SCFD2: variants seen among roughly 807,000 people sequenced by gnomAD.
SCFD2 encodes sec1 family domain-containing protein 2.
Under a neutral mutation model 58.9 loss-of-function variants are expected in SCFD2, and 54 were observed. The observed-to-expected ratio is 0.92, with a 90% CI of 0.74 to 1.15. SCFD2 has a LOEUF of 1.15. SCFD2 is among the 50% of genes most tolerant of loss of function. The pLI is 0.00. For missense variants in SCFD2, 805 were observed against 836.6 expected (o/e 0.96, Z 0.47); for synonymous variants, 321 against 335.9 (o/e 0.96, Z 0.49).
chr4:52,904,834 T>A (rs1381790528), intron 7 of SCFD2, among the ~76,000 whole-genome samples: 1 of 152,230 alleles, frequency 6.6e-6, no homozygotes, highest in East Asian at 1.9e-4. Context: ...GTGTCACTAT[T>A]TCCTGTGTGC....
chr4:53,019,178 T>G (rs970450741), intron 5 of SCFD2, among the ~76,000 whole-genome samples: 1 of 152,172 alleles, frequency 6.6e-6, no homozygotes, highest in African/African-American at 2.4e-5. Flanking sequence ...CAAAGATTTA[T>G]GCACAAGGAT....
intron 5 of SCFD2, among the ~76,000 whole-genome samples, chr4:52,921,311 A>T (rs1206511756): frequency 1.3e-5 from 2 of 152,234 alleles, no homozygotes; most frequent in African/African-American, 2.4e-5. Context: ...AGAATGAGAA[A>T]GATCCTGTCT....
intron 5 of SCFD2, among the ~76,000 whole-genome samples, chr4:53,076,717 T>G (rs1045426565): frequency 6.6e-6 from 1 of 152,170 alleles, no homozygotes; most frequent in African/African-American, 2.4e-5. Context: ...TTAATGAACC[T>G]TTAAATGGTG....
intron 4 of SCFD2, among the ~76,000 whole-genome samples, chr4:53,247,067 G>C (rs1412818343): frequency 6.9e-6 from 1 of 145,650 alleles, no homozygotes; most frequent in Non-Finnish European, 1.5e-5. Flanking sequence ...CTAAGAATGA[G>C]AATTAAAAAA....
intron 5 of SCFD2, among the ~76,000 whole-genome samples, chr4:52,946,185 C>T (rs1720420595): frequency 6.6e-6 from 1 of 152,032 alleles, no homozygotes; most frequent in Non-Finnish European, 1.5e-5. Context: ...ATTTTTAATA[C>T]CACAGTTAGT....
intron 5 of SCFD2, among the ~76,000 whole-genome samples, chr4:52,932,356 A>C (rs1395901866): frequency 1.3e-5 from 2 of 152,234 alleles, no homozygotes; most frequent in African/African-American, 4.8e-5. Flanking sequence ...AAAGGATGGA[A>C]TCAGAAGACC....
chr4:52,898,191 C>T (rs1480381934), intron 7 of SCFD2, among the ~76,000 whole-genome samples: 1 of 152,148 alleles, frequency 6.6e-6, no homozygotes, highest in Non-Finnish European at 1.5e-5. Context: ...TTGCCTTCTG[C>T]TAGCTTTTGA....
intron 4 of SCFD2, among the ~76,000 whole-genome samples, chr4:53,246,891 A>C (rs1239072306): frequency 6.0e-5 from 9 of 149,068 alleles, no homozygotes; most frequent in African/African-American, 2.2e-4. Context: ...AAAAGAAGCT[A>C]TCAACAGAGC....
rs151226821 is a variant in SCFD2, at chr4:52,965,383, C to T, written c.1562-44513G>A. ...CCCTCAGTTCCTCTGGCACCCCTAA[C>T]CAATGCCCATTTCCCCCAGCGGCTG... is the stretch of plus-strand genomic sequence containing the variant. On this transcript the variant is annotated intron_variant, in intron 5 of 8. Coordinates refer to ENST00000401642, the MANE Select transcript of SCFD2 (RefSeq NM_152540.4). Among the ~76,000 whole-genome samples, 437 of 152,316 alleles carry T rather than the reference C, an allele frequency of 2.9e-3. 1 individual carries two copies. The highest frequency in any genetic ancestry group is 4.8e-3 in the Admixed American group (73 of 15,310).
At chr4:53,273,602 G>T in intron 4 of SCFD2, 1 of 408,650 alleles carries the variant, frequency 2.4e-6, no homozygotes, top group Non-Finnish European at 4.3e-6. Context: ...AAACATCCTT[G>T]GTATTAAATG....
intron 4 of SCFD2, among the ~76,000 whole-genome samples, chr4:53,251,455 C>A (rs1044376897): frequency 3.9e-5 from 6 of 152,142 alleles, no homozygotes; most frequent in African/African-American, 1.4e-4. Context: ...GACCAATATC[C>A]TTGATGAACA....
intron 3 of SCFD2, among the ~76,000 whole-genome samples, chr4:53,303,866 A>G (rs1401329799): frequency 1.4e-5 from 2 of 147,518 alleles, no homozygotes; most frequent in Non-Finnish European, 3.0e-5. Flanking sequence ...AAAACCAAAC[A>G]CCGCATGTTC....
chr4:52,988,198 T>C (rs1721541353), intron 5 of SCFD2, among the ~76,000 whole-genome samples: 2 of 152,192 alleles, frequency 1.3e-5, no homozygotes, highest in Non-Finnish European at 2.9e-5. Flanking sequence ...AGAGAGAAAA[T>C]GCGTTAACTG....
At chr4:53,034,398 C>T (rs1577674530) in intron 5 of SCFD2, among the ~76,000 whole-genome samples, 1 of 152,146 alleles carries the variant, frequency 6.6e-6, no homozygotes, top group East Asian at 1.9e-4. Flanking sequence ...GAAGCATTCC[C>T]TTTGAAAACC....
In SCFD2 at chr4:53,152,336, A is replaced by T. The variant is rs139685500; in HGVS notation, c.1312-6754T>A. ...GCTAAATTCACAGTAAATCCGTATC[A>T]TACTAACTGGAATGGCTAAGTGAAA... On this transcript the variant is annotated intron_variant, in intron 4 of 8. Transcript: ENST00000401642. 1.4e-4 allele frequency among the ~76,000 whole-genome samples: 21 copies of T among 152,254 alleles called. No homozygotes were observed. The East Asian group carries it at 4.1e-3, about 29-fold the overall frequency.
intron 2 of SCFD2, among the ~76,000 whole-genome samples, chr4:53,351,886 T>TA (rs1734230754): frequency 6.6e-6 from 1 of 152,138 alleles, no homozygotes; most frequent in African/African-American, 2.4e-5. Flanking sequence ...AAAACTATAA[T>TA]ACTGAAAGAT....
intron 5 of SCFD2, among the ~76,000 whole-genome samples, chr4:53,006,633 C>G (rs1014776704): frequency 1.1e-4 from 16 of 152,138 alleles, no homozygotes; most frequent in African/African-American, 3.4e-4. Context: ...TTGAGTATAA[C>G]CTGTTCTGTT....
At chr4:52,942,273 A>C (rs1419890993) in intron 5 of SCFD2, among the ~76,000 whole-genome samples, 1 of 152,228 alleles carries the variant, frequency 6.6e-6, no homozygotes, top group Non-Finnish European at 1.5e-5. Context: ...TTTTTAGCCA[A>C]GGGACAAGGG....
intron 4 of SCFD2, among the ~76,000 whole-genome samples, chr4:53,215,872 C>G (rs1233373776): frequency 1.3e-5 from 2 of 152,116 alleles, no homozygotes; most frequent in African/African-American, 4.8e-5. Flanking sequence ...CTAATTTTAT[C>G]AAAGGCCTTT....
Sources: gnomAD v4.1 joint callset for allele counts (sites outside exome capture counted in the v4.1 genomes callset) on GRCh38, gnomAD v4.1.1 for gene constraint, MANE v1.5 for transcripts, NCBI Gene and HGNC (gene_info 2026-07-23, HGNC 2026-07-21) for gene names.